CEP112: variants seen among roughly 807,000 people sequenced by gnomAD.
CEP112 encodes centrosomal protein 112.
CEP112 carries 127 observed loss-of-function variants against 153.0 expected under a neutral mutation model. The observed-to-expected ratio is 0.83, with a 90% CI of 0.72 to 0.96. CEP112 has a LOEUF of 0.96. CEP112 is among the 40% of genes least tolerant of loss of function. The pLI, the probability that CEP112 is intolerant of heterozygous loss-of-function variation, is 0.00. For synonymous variants in CEP112, 358 were observed against 374.4 expected (o/e 0.96, Z 0.51); for missense variants, 1,089 against 1,101.2 (o/e 0.99, Z 0.16).
rs561898007 is a variant in CEP112 at position 65,671,069 on chromosome 17, A to G, written c.2697+18060T>C. ...TATCCACTATTATTTCTGAAAGGAAACTTATTTCTCAGATGTCTGTTAGGG... is the reference window on the plus strand; with the variant it reads ...TATCCACTATTATTTCTGAAAGGAAGCTTATTTCTCAGATGTCTGTTAGGG... On this transcript the variant is annotated intron_variant, in intron 24 of 26. Coordinates refer to ENST00000535342, the MANE Select transcript of CEP112 (RefSeq NM_001199165.4). Among the ~76,000 whole-genome samples, 3 of 152,102 alleles carry G rather than the reference A, an allele frequency of 2.0e-5. No individual in the cohort carries two copies. In the South Asian group the frequency reaches 6.2e-4, roughly 32 times the overall value.
At chr17:66,181,062 C>T (rs1034293722) in intron 2 of CEP112, among the ~76,000 whole-genome samples, 10 of 152,066 alleles carry the variant, frequency 6.6e-5, no homozygotes. Flanking sequence ...ACATACTTTC[C>T]ACATCCCATA....
chr17:66,182,704 A>G (rs535607504), intron 2 of CEP112, among the ~76,000 whole-genome samples: 1 of 152,330 alleles, frequency 6.6e-6, no homozygotes, highest in African/African-American at 2.4e-5. Flanking sequence ...ATAACAGGCC[A>G]GGAATTGGAG....
At chr17:65,816,226 T>C (rs2056253711) in intron 21 of CEP112, among the ~76,000 whole-genome samples, 1 of 152,058 alleles carries the variant, frequency 6.6e-6, no homozygotes. Flanking sequence ...AATTCAGTAG[T>C]TTTGGTATAC....
At chr17:65,952,907 T>C (rs920641930) in intron 18 of CEP112, among the ~76,000 whole-genome samples, 3 of 152,232 alleles carry the variant, frequency 2.0e-5, no homozygotes, top group Non-Finnish European at 4.4e-5. Flanking sequence ...ATTAGTCATT[T>C]GTATATCTTC....
At chr17:65,964,296 G>T (rs745907789) in intron 17 of CEP112, among the ~76,000 whole-genome samples, 1 of 152,152 alleles carries the variant, frequency 6.6e-6, no homozygotes, top group Non-Finnish European at 1.5e-5. Flanking sequence ...CAAAGATAAT[G>T]GTGATTAATA....
intron 17 of CEP112, 108 bp downstream of exon 17, chr17:66,005,582 C>A: frequency 7.7e-7 from 1 of 1,302,502 alleles, no homozygotes; most frequent in Non-Finnish European, 1.0e-6. Flanking sequence ...CAAACGAATC[C>A]ATAGCAAAGC....
At chr17:65,680,660 G>A (rs1367722739) in intron 24 of CEP112, among the ~76,000 whole-genome samples, 1 of 152,152 alleles carries the variant, frequency 6.6e-6, no homozygotes. Flanking sequence ...GCTTTAATGC[G>A]GAGGGCGGGG....
chr17:65,879,565 C>G (rs1428347806), intron 20 of CEP112, among the ~76,000 whole-genome samples: 1 of 151,910 alleles, frequency 6.6e-6, no homozygotes, highest in Admixed American at 6.6e-5. Context: ...CAAGAATCAT[C>G]GAGCAGATAA....
At chr17:65,998,126 T>A (rs1210556547) in intron 17 of CEP112, among the ~76,000 whole-genome samples, 1 of 151,994 alleles carries the variant, frequency 6.6e-6, no homozygotes. Flanking sequence ...ACACCTGTAA[T>A]CCCAGTATTT....
At chr17:65,933,517 A>G (rs1186813601) in intron 18 of CEP112, among the ~76,000 whole-genome samples, 1 of 152,226 alleles carries the variant, frequency 6.6e-6, no homozygotes, top group Non-Finnish European at 1.5e-5. Context: ...ATGCCAGGAG[A>G]CAGTGGGAAG....
intron 23 of CEP112, among the ~76,000 whole-genome samples, chr17:65,713,337 A>G (rs1307226309): frequency 6.6e-6 from 1 of 152,204 alleles, no homozygotes; most frequent in African/African-American, 2.4e-5. Context: ...TCTGCACAGG[A>G]TACAAATTAT....
chr17:65,641,019 A>G lies in CEP112; in HGVS notation c.2744T>C (p.Met915Thr), dbSNP rs765778791. 1.9e-6 allele frequency: 3 copies of G among 1,611,832 alleles called. No individual in the cohort carries two copies. Among genetic ancestry groups the G allele is most frequent in the Non-Finnish European group, 2.5e-6 (3 of 1,178,132 alleles). Residue 915 changes from methionine to threonine, a missense_variant, in exon 25 of 27, where the codon ATG (methionine) becomes ACG (threonine). By Grantham distance (81) the Met-to-Thr change is moderately conservative. Transcript: ENST00000535342. ...AAGTTCTTGTCTTAGGGATGCTGGC[A>G]TCAATCCTTTCAATTTTGTTTCATA... The part of the protein sequence containing the change: ...QEYETKLKGL[M>T]PASLRQELED...
chr17:65,830,099 G>A (rs540451949), intron 21 of CEP112, among the ~76,000 whole-genome samples: 1 of 152,318 alleles, frequency 6.6e-6, no homozygotes, highest in South Asian at 2.1e-4. Context: ...ACTTAGCCAT[G>A]AAGTTGAAAG....
At chr17:65,974,298 A>G (rs1199887136) in intron 17 of CEP112, among the ~76,000 whole-genome samples, 1 of 152,082 alleles carries the variant, frequency 6.6e-6, no homozygotes, top group Admixed American at 6.6e-5. Flanking sequence ...GCTGGTCTCA[A>G]AATCCTGAGC....
chr17:65,696,901 A>G (rs966558846), intron 23 of CEP112, among the ~76,000 whole-genome samples: 5 of 152,172 alleles, frequency 3.3e-5, no homozygotes, highest in African/African-American at 1.2e-4. Flanking sequence ...ACTTTGGAGA[A>G]AACAGATGAT....
chr17:65,671,111 G>C (rs566313979), intron 24 of CEP112, among the ~76,000 whole-genome samples: 8 of 152,114 alleles, frequency 5.3e-5, no homozygotes, highest in Non-Finnish European at 8.8e-5. Flanking sequence ...GGCTGAGAAG[G>C]GGGGTGGGTA....
At chr17:65,970,902 T>C (rs2062737568) in intron 17 of CEP112, among the ~76,000 whole-genome samples, 1 of 152,228 alleles carries the variant, frequency 6.6e-6, no homozygotes, top group Admixed American at 6.5e-5. Flanking sequence ...TCTGTGTGCA[T>C]TGCATGTATG....
At chr17:65,970,167 ATAT>A (rs1300371985) in intron 17 of CEP112, among the ~76,000 whole-genome samples, 2 of 152,198 alleles carry the variant, frequency 1.3e-5, no homozygotes, top group Non-Finnish European at 2.9e-5. Context: ...GCAAACATGC[ATAT>A]TACATTTGTA....
intron 17 of CEP112, among the ~76,000 whole-genome samples, chr17:65,999,301 A>G (rs1038579818): frequency 2.0e-5 from 3 of 150,316 alleles, no homozygotes; most frequent in African/African-American, 7.4e-5. Context: ...TCCTGGGTTC[A>G]CGCCATTCTC....
Sources: gnomAD v4.1 joint callset for allele counts (sites outside exome capture counted in the v4.1 genomes callset) on GRCh38, gnomAD v4.1.1 for gene constraint, MANE v1.5 for transcripts, NCBI Gene and HGNC (gene_info 2026-07-23, HGNC 2026-07-21) for gene names.